The following GSS variants were observed in gnomAD, a reference collection of about 807,000 sequenced individuals.
GSS encodes the protein GSH synthetase.
A neutral mutation model predicts 60.4 loss-of-function variants in GSS; 34 were observed. The observed-to-expected ratio is 0.56, with a 90% CI of 0.43 to 0.75. The LOEUF is 0.75. Among genes scored for constraint, GSS ranks in the 30% least tolerant of loss-of-function variants. The pLI is 0.00. For missense variants in GSS, 499 were observed against 595.1 expected (o/e 0.84, Z 1.68); for synonymous variants, 224 against 239.0 (o/e 0.94, Z 0.58).
chr20:34,934,808 G>C (rs751195994), intron 9 of GSS, among the ~76,000 whole-genome samples: 6 of 152,182 alleles, frequency 3.9e-5, no homozygotes, highest in Non-Finnish European at 5.9e-5. Flanking sequence ...CCTAGAAAGG[G>C]TCAGGAACTT....
At chr20:34,938,344 C>T (rs148430515) in intron 6 of GSS, among the ~76,000 whole-genome samples, 1 of 152,300 alleles carries the variant, frequency 6.6e-6, no homozygotes, top group East Asian at 1.9e-4. Context: ...CTCTGTTTGC[C>T]TGACTCCTTT....
intron 2 of GSS, among the ~76,000 whole-genome samples, chr20:34,947,613 TTC>T (rs1386773407): frequency 6.6e-6 from 1 of 152,188 alleles, no homozygotes; most frequent in Admixed American, 6.5e-5. Context: ...CACATATATT[TTC>T]TCTTTTTTTC....
Position 34,942,382 on chromosome 20 carries a change from C to T in GSS, c.491+106G>A, listed in dbSNP as rs562933680. ...GCCAGGGGCAACATGTGACCCGGGG[C>T]CCAGGAAAGCACAATCATAGCTGGA... On this transcript the variant is annotated intron_variant, in intron 5 of 12. Transcript: ENST00000651619. 4.7e-6 allele frequency: 5 copies of T among 1,074,296 alleles called. No individual in the cohort carries two copies. The East Asian group carries it at 1.2e-4, about 25-fold the overall frequency. 66.5% of individuals were successfully genotyped at this position (1,074,296 alleles called of 1,614,324 possible).
At chr20:34,953,968 T>C (rs2081590718) in intron 1 of GSS, among the ~76,000 whole-genome samples, 1 of 152,236 alleles carries the variant, frequency 6.6e-6, no homozygotes, top group Non-Finnish European at 1.5e-5. Flanking sequence ...GTGAAATTTA[T>C]CAGCAGTGTT....
At chr20:34,944,658 C>T (rs917570550) in intron 3 of GSS, among the ~76,000 whole-genome samples, 4 of 152,154 alleles carry the variant, frequency 2.6e-5, no homozygotes, top group African/African-American at 4.8e-5. Context: ...TTTGCATATA[C>T]GTAATGAGAC....
Position 34,945,976 on chromosome 20 carries a change from G to A in GSS, c.252C>T (p.Ala84=), listed in dbSNP as rs1413763789. 6.2e-7 allele frequency: 1 copy of A among 1,614,184 alleles called. No individual in the cohort carries two copies. The highest frequency in any genetic ancestry group is 1.7e-5 in the Admixed American group (1 of 60,026). Residue 84 remains alanine (A), a synonymous_variant, in exon 3 of 13, where the codon GCC becomes GCT. Transcript: ENST00000651619. ...LLVDAVSQNA[A]FLEQTLSSTI... ...ACCTGGAAAGAGTTTGCTCCAGGAA[G>A]GCAGCGTTCTGGCTGACAGCATCCA...
chr20:34,942,032 A>G (rs2081487068), intron 5 of GSS, among the ~76,000 whole-genome samples: 1 of 152,072 alleles, frequency 6.6e-6, no homozygotes, highest in African/African-American at 2.4e-5. Context: ...TGCCTGGAGG[A>G]GACCTGAGAG....
Position 34,929,435 on chromosome 20 carries a change from T to G in GSS, c.1267A>C (p.Ile423Leu). ...PGSPARVVQC[I>L]SELGIFGVYV... ...ACCCCAAAGATGCCCAGCTCTGAAA[T>G]GCACTGGACCACTCGGGCAGGGCTG... The change falls in exon 12 of 13, where the codon ATT becomes CTT. Residue 423 changes from isoleucine to leucine, a missense_variant. Physicochemically the swap from Ile to Leu is conservative, Grantham distance 5. Coordinates refer to ENST00000651619, the MANE Select transcript of GSS (RefSeq NM_000178.4). 1 of 1,614,096 alleles carries G rather than the reference T, an allele frequency of 6.2e-7. No individual in the cohort carries two copies. Among genetic ancestry groups the G allele is most frequent in the Non-Finnish European group, 8.5e-7 (1 of 1,179,950 alleles).
At chr20:34,955,699 G>A (rs923917931) in intron 1 of GSS, 28 bp downstream of exon 1, 4 of 152,210 alleles carry the variant, frequency 2.6e-5, no homozygotes, top group African/African-American at 9.6e-5. Flanking sequence ...CGTGACCCAT[G>A]CCGGCCGCCG....
rs781170028 is a variant in GSS, at chr20:34,942,982, G to A, written c.300C>T (p.Thr100=). 19 of 1,611,392 alleles carry A rather than the reference G, an allele frequency of 1.2e-5. 1 individual carries two copies. The highest frequency in any genetic ancestry group is 1.6e-4 in the Middle Eastern group (1 of 6,082). ...LSSTIKQDDF[T]ARLFDIHKQV... is the part of the protein sequence containing the mutation. ...GCTTGTGGATGTCAAAGAGACGAGC[G>A]GTAAAGTCATCCTGTTTGATGGTGC... The change falls in exon 4 of 13, where the codon ACC becomes ACT. Residue 100 remains threonine (T), a synonymous_variant. Coordinates refer to ENST00000651619, the MANE Select transcript of GSS (RefSeq NM_000178.4).
At chr20:34,939,240 CAAAAAAAA>C (rs964332637) in intron 6 of GSS, among the ~76,000 whole-genome samples, 2 of 149,854 alleles carry the variant, frequency 1.3e-5, no homozygotes, top group African/African-American at 4.9e-5. Flanking sequence ...AACTCTGTCT[CAAAAAAAA>C]AGAAAAAAAT....
chr20:34,928,610 AC>A lies in GSS; in HGVS notation c.*217del, dbSNP rs1337622763. On this transcript the variant is annotated 3_prime_UTR_variant, in exon 13 of 13. Coordinates refer to ENST00000651619, the MANE Select transcript of GSS (RefSeq NM_000178.4). Reference sequence around the variant, plus strand: ...ATGGACCTTTACCTCAGAGCAGCTTACCCTGAGCTATACCCACATCTCAAGG... The same window carrying A: ...ATGGACCTTTACCTCAGAGCAGCTTACCTGAGCTATACCCACATCTCAAGG... 9 of 621,718 alleles carry A rather than the reference AC, an allele frequency of 1.4e-5. No homozygotes were observed. The highest frequency in any genetic ancestry group is 2.6e-5 in the Non-Finnish European group (9 of 344,460). 38.5% of individuals were successfully genotyped at this position (621,718 alleles called of 1,614,324 possible). A position where few individuals can be genotyped will look rare whatever the true frequency, so the allele number is the denominator to read the frequency against.
intron 9 of GSS, chr20:34,933,797 C>T (rs2081420378): frequency 6.6e-6 from 1 of 152,200 alleles, no homozygotes. Context: ...TAAGCAAGGA[C>T]TTGCCCAGGG....
chr20:34,951,657 C>A, intron 2 of GSS, 67 bp downstream of exon 2: 1 of 1,534,070 alleles, frequency 6.5e-7, no homozygotes, highest in Non-Finnish European at 8.9e-7. Flanking sequence ...AAAGGAGTGA[C>A]CCTCAGCCTG....
At position 34,935,649 on chromosome 20, in the gene GSS, C is replaced by T. The variant is rs371625892; in HGVS notation, c.768-7G>A. 77 of 1,602,338 alleles carry T rather than the reference C, an allele frequency of 4.8e-5. No individual in the cohort carries two copies. In the African/African-American group the frequency reaches 7.4e-4, roughly 15 times the overall value. On this transcript the variant is annotated splice_polypyrimidine_tract_variant and splice_region_variant and intron_variant, in intron 8 of 12. Coordinates refer to ENST00000651619, the MANE Select transcript of GSS (RefSeq NM_000178.4). ...AGCAATTTCCTGGCCATCCCTGGAA[C>T]ACAGGATGGAGAAGGCTGCTGTGTT...
chr20:34,953,488 CATA>C (rs1434151948), intron 1 of GSS, among the ~76,000 whole-genome samples: 2 of 152,270 alleles, frequency 1.3e-5, no homozygotes, highest in South Asian at 2.1e-4. Context: ...GGTTTGAGTC[CATA>C]ATAATACGAC....
chr20:34,933,825 A>G (rs2081420707), intron 9 of GSS: 1 of 152,154 alleles, frequency 6.6e-6, no homozygotes, highest in African/African-American at 2.4e-5. Flanking sequence ...GTAAGTCACT[A>G]AGCCTTCTAG....
At chr20:34,940,831 T>C (rs529351263) in intron 6 of GSS, among the ~76,000 whole-genome samples, 7 of 152,282 alleles carry the variant, frequency 4.6e-5, no homozygotes, top group African/African-American at 1.7e-4. Context: ...TCTAAGCAGT[T>C]AAAAAGGATA....
rs550826399 is a variant in GSS, at chr20:34,945,166, A to G, written c.275+787T>C. Among the ~76,000 whole-genome samples the G allele has an allele frequency of 1.5e-3, 220 of 151,566 alleles. 2 individuals are homozygous for G. The highest frequency in any genetic ancestry group is 2.2e-3 in the Non-Finnish European group (152 of 67,800). Reference sequence around the variant, plus strand: ...CTCCCAAGTAGCTGGGATTATAGGCACCCGCCACCACACCCAGCTAATTTT... The same window carrying G: ...CTCCCAAGTAGCTGGGATTATAGGCGCCCGCCACCACACCCAGCTAATTTT... On this transcript the variant is annotated intron_variant, in intron 3 of 12. Coordinates refer to ENST00000651619, the MANE Select transcript of GSS (RefSeq NM_000178.4).
Sources: allele counts gnomAD v4.1 joint callset (sites outside exome capture counted in the v4.1 genomes callset), GRCh38; gene constraint gnomAD v4.1.1; transcripts MANE v1.5; gene names NCBI Gene and HGNC (gene_info 2026-07-23, HGNC 2026-07-21).